Variants in PVR observed in about 807,000 individuals in gnomAD.
PVR encodes the protein poliovirus receptor.
A neutral mutation model predicts 43.3 loss-of-function variants in PVR; 39 were observed. The observed-to-expected ratio is 0.90, with a 90% CI of 0.70 to 1.18. The LOEUF (loss-of-function observed/expected upper bound fraction) is 1.18. Among genes scored for constraint, PVR ranks in the 50% most tolerant of loss-of-function variants. The pLI is 0.00. For missense variants in PVR, 480 were observed against 549.7 expected, an observed-to-expected ratio of 0.87 and a Z score of 1.27; for synonymous variants, 224 against 233.2, an observed-to-expected ratio of 0.96 and a Z score of 0.36.
At chr19:44,647,664 G>GCCACA in intron 2 of PVR, 94 bp downstream of exon 2, 2 of 1,023,938 alleles carry the variant, frequency 2.0e-6, no homozygotes, top group Non-Finnish European at 2.8e-6. Flanking sequence ...CTGGGAGGGA[G>GCCACA]GGAGATTCCC....
At chr19:44,653,659 C>A in intron 3 of PVR, 1 of 455,284 alleles carries the variant, frequency 2.2e-6, no homozygotes, top group South Asian at 3.8e-5. Context: ...TCCAGGCTAC[C>A]CAGGAAAGCT....
chr19:44,647,083 T>TCCCCCCCCCCCCCC, intron 1 of PVR, 140 bp from the exon 2 acceptor site: 2 of 30,342 alleles, frequency 6.6e-5, no homozygotes, highest in Non-Finnish European at 1.2e-4. Context: ...CAGTTCCCCC[T>TCCCCCCCCCCCCCC]CCCCCCACAC....
At chr19:44,647,687 C>G (rs1040147499) in intron 2 of PVR, 117 bp downstream of exon 2, 2 of 741,068 alleles carry the variant, frequency 2.7e-6, no homozygotes, top group African/African-American at 3.8e-5. Flanking sequence ...CACAGCAGAT[C>G]CCCTGGGGAC....
chr19:44,658,897 T>C lies in PVR; in HGVS notation c.1147T>C (p.Ser383Pro). The change falls in exon 6 of 8, where the codon TCG becomes CCG. Residue 383 changes from serine (S) to proline (P), a missense_variant. Coordinates refer to ENST00000425690, the MANE Select transcript of PVR (RefSeq NM_006505.5). ...EVLWHCHLCP[S>P]STEHASASAN... ...CCTTTGGCACTGTCATCTGTGTCCC[T>C]CGAGTGAGCATCACCAGAGCTGCCG... The C allele has an allele frequency of 6.2e-7, 1 of 1,613,782 alleles. No individual in the cohort carries two copies. Among genetic ancestry groups the C allele is most frequent in the Admixed American group, 1.7e-5 (1 of 59,996 alleles).
intron 2 of PVR, among the ~76,000 whole-genome samples, chr19:44,649,475 G>A (rs1473558654): frequency 1.3e-5 from 2 of 149,414 alleles, no homozygotes; most frequent in African/African-American, 2.5e-5. Context: ...TGTCGCCCAG[G>A]CTGGAGAGCA....
At chr19:44,647,802 C>T (rs1973173146) in intron 2 of PVR, among the ~76,000 whole-genome samples, 1 of 151,758 alleles carries the variant, frequency 6.6e-6, no homozygotes, top group Non-Finnish European at 1.5e-5. Flanking sequence ...AGTAAGGACC[C>T]CCAAGCCTGG....
chr19:44,665,258 C>G lies in PVR; in HGVS notation c.*3447C>G, dbSNP rs1416968628. 3 of 152,144 alleles carry G rather than the reference C, an allele frequency of 2.0e-5. No homozygotes were observed. Among genetic ancestry groups the G allele is most frequent in the African/African-American group, 7.2e-5 (3 of 41,424 alleles). 9.4% of individuals were successfully genotyped at this position (152,144 alleles called of 1,614,324 possible). A position where few individuals can be genotyped will look rare whatever the true frequency, so the allele number is the denominator to read the frequency against. ...AGTCGGGAATCTTTTCAGGTTGATACGATCTCACCTTGAGGAGCTGTGAGG... is the reference window on the plus strand; with the variant it reads ...AGTCGGGAATCTTTTCAGGTTGATAGGATCTCACCTTGAGGAGCTGTGAGG... On this transcript the variant is annotated 3_prime_UTR_variant, in exon 8 of 8. Transcript: ENST00000425690.
Position 44,645,415 on chromosome 19 carries a change from GTATATA to G in PVR, c.79+1265_79+1270del, listed in dbSNP as rs71171276. Reference sequence around the variant, plus strand: ...TTTATTATTTATTTATATGTTTTGTGTATATATATATATATATATATATATATATAG... The same window carrying G: ...TTTATTATTTATTTATATGTTTTGTGTATATATATATATATATATATATAG... On this transcript the variant is annotated intron_variant, in intron 1 of 7. Coordinates refer to ENST00000425690, the MANE Select transcript of PVR (RefSeq NM_006505.5). Among the ~76,000 whole-genome samples the G allele has an allele frequency of 4.1e-3, 341 of 83,810 alleles. 13 individuals are homozygous for G. Among genetic ancestry groups the G allele is most frequent in the African/African-American group, 0.015 (269 of 17,638 alleles). The allele number at this position is 83,810 out of a possible 152,430, so 55.0% of individuals were successfully genotyped here.
rs1341247526 is a variant in PVR, at chr19:44,664,026, T to C, written c.*2215T>C. 1 of 152,192 alleles carries C rather than the reference T, an allele frequency of 6.6e-6. No individual in the cohort carries two copies. The highest frequency in any genetic ancestry group is 2.4e-5 in the African/African-American group (1 of 41,444). 9.4% of individuals were successfully genotyped at this position (152,192 alleles called of 1,614,324 possible). ...GGAGTGTAATGGTCCAGCTCCATTC[T>C]TCTGCACATGGATATCCAGTTTTAC... is the stretch of plus-strand genomic sequence containing the variant. On this transcript the variant is annotated 3_prime_UTR_variant, in exon 8 of 8. Transcript: ENST00000425690.
At chr19:44,653,726 C>T (rs778484722) in intron 3 of PVR, 174 bp from the exon 4 acceptor site, 4 of 594,982 alleles carry the variant, frequency 6.7e-6, no homozygotes, top group Non-Finnish European at 9.2e-6. Context: ...ACCAAGGACT[C>T]CTAGGCTTCT....
Position 44,661,830 on chromosome 19 carries a change from G to T in PVR, c.*19G>T. On this transcript the variant is annotated 3_prime_UTR_variant, in exon 8 of 8. Coordinates refer to ENST00000425690, the MANE Select transcript of PVR (RefSeq NM_006505.5). ...AAGGTGACAGCGTCGGGACTGAGAG[G>T]GGAGAGAGACTGGAGCTGGCAAGGA... is the stretch of plus-strand genomic sequence containing the variant. 1.9e-6 allele frequency: 3 copies of T among 1,612,212 alleles called. No homozygotes were observed. Among genetic ancestry groups the T allele is most frequent in the Non-Finnish European group, 2.5e-6 (3 of 1,178,746 alleles).
At chr19:44,653,766 T>G (rs1050092656) in intron 3 of PVR, 134 bp from the exon 4 acceptor site, 1 of 673,054 alleles carries the variant, frequency 1.5e-6, no homozygotes, top group African/African-American at 1.8e-5. Context: ...CTACCTAGAC[T>G]CCTCCTAGGC....
At chr19:44,651,615 A>G (rs937596352) in intron 3 of PVR, among the ~76,000 whole-genome samples, 1 of 152,028 alleles carries the variant, frequency 6.6e-6, no homozygotes, top group Non-Finnish European at 1.5e-5. Context: ...CAGGCTATCC[A>G]GTCTCACCCC....
At chr19:44,647,672 C>T (rs1973167414) in intron 2 of PVR, 102 bp downstream of exon 2, 2 of 866,834 alleles carry the variant, frequency 2.3e-6, no homozygotes, top group East Asian at 5.4e-5. Flanking sequence ...GAGGGAGATT[C>T]CCTCCACAGC....
rs914999694 is a variant in PVR at position 44,663,720 on chromosome 19, A to G, written c.*1909A>G. 1.3e-5 allele frequency: 2 copies of G among 151,696 alleles called. No homozygotes were observed. The highest frequency in any genetic ancestry group is 2.4e-5 in the African/African-American group (1 of 41,322). The allele number at this position is 151,696 out of a possible 1,614,324, so 9.4% of individuals were successfully genotyped here. Reference sequence around the variant, plus strand: ...GAGGGCCATAAGGGCTGGGATTCCCAGGCACCTTAGGAACAGCTTGTCTTT... The same window carrying G: ...GAGGGCCATAAGGGCTGGGATTCCCGGGCACCTTAGGAACAGCTTGTCTTT... On this transcript the variant is annotated 3_prime_UTR_variant, in exon 8 of 8. Coordinates refer to ENST00000425690, the MANE Select transcript of PVR (RefSeq NM_006505.5).
chr19:44,647,114 C>A, intron 1 of PVR, 109 bp from the exon 2 acceptor site: 1 of 708,780 alleles, frequency 1.4e-6, no homozygotes, highest in Non-Finnish European at 2.2e-6. Flanking sequence ...ACCGGGGATC[C>A]AGGGCCCCAG....
At chr19:44,659,567 T>TC (rs1973541777) in intron 6 of PVR, among the ~76,000 whole-genome samples, 1 of 152,102 alleles carries the variant, frequency 6.6e-6, no homozygotes, top group Non-Finnish European at 1.5e-5. Context: ...ACTGTAGCCT[T>TC]CACCTCCCAG....
At chr19:44,655,741 C>G (rs964800592) in intron 4 of PVR, among the ~76,000 whole-genome samples, 15 of 152,178 alleles carry the variant, frequency 9.9e-5, no homozygotes, top group African/African-American at 3.4e-4. Flanking sequence ...TAAGATTCCA[C>G]CACGTGGATT....
Position 44,649,862 on chromosome 19 carries a change from GT to G in PVR, c.482del (p.Val161GlyfsTer59). The G allele has an allele frequency of 1.9e-6, 3 of 1,614,116 alleles. No homozygotes were observed. The highest frequency in any genetic ancestry group is 2.5e-6 in the Non-Finnish European group (3 of 1,180,008). ...VQKVQLTGEP[V>X]PMARCVSTGG... ...GAAGGTCCAGCTCACTGGAGAGCCA[GT>G]GCCCATGGCCCGCTGCGTCTCCACA... On this transcript the variant is annotated frameshift_variant, in exon 3 of 8. Coordinates refer to ENST00000425690, the MANE Select transcript of PVR (RefSeq NM_006505.5). LOFTEE classifies it high-confidence loss of function.
Sources: allele counts gnomAD v4.1 joint callset (sites outside exome capture counted in the v4.1 genomes callset), GRCh38; gene constraint gnomAD v4.1.1; transcripts MANE v1.5; gene names NCBI Gene and HGNC (gene_info 2026-07-23, HGNC 2026-07-21).